The following SAMD4A variants were observed in gnomAD, a reference collection of about 807,000 sequenced individuals.
SAMD4A encodes the protein protein Smaug homolog 1.
In SAMD4A, 33 loss-of-function variants were observed where a neutral mutation model predicts 81.3. The observed-to-expected ratio is 0.41, with a 90% CI of 0.31 to 0.54. The LOEUF (loss-of-function observed/expected upper bound fraction) is 0.54, where lower values mean the gene tolerates loss of function less well. SAMD4A is among the 20% of genes least tolerant of loss of function. SAMD4A has a pLI of 0.37. For synonymous variants in SAMD4A, 389 were observed against 382.1 expected (o/e 1.02, Z -0.21); for missense variants, 854 against 951.1 (o/e 0.90, Z 1.34).
intron 4 of SAMD4A, among the ~76,000 whole-genome samples, chr14:54,746,843 C>G (rs1411536080): frequency 6.6e-6 from 1 of 152,206 alleles, no homozygotes; most frequent in East Asian, 1.9e-4. Context: ...TTGGGACTTT[C>G]AAGATGTAAA....
intron 2 of SAMD4A, among the ~76,000 whole-genome samples, chr14:54,661,982 G>A (rs1469622891): frequency 3.9e-5 from 6 of 152,242 alleles, no homozygotes; most frequent in Admixed American, 2.0e-4. Context: ...ATTGGCAGCC[G>A]CCATTCACAC....
rs143351796 is a variant in SAMD4A, at chr14:54,658,091, C to G, written c.197-43971C>G. Among the ~76,000 whole-genome samples the G allele has an allele frequency of 5.0e-3, 754 of 152,292 alleles. 4 individuals are homozygous for G. Among genetic ancestry groups the G allele is most frequent in the Non-Finnish European group, 8.8e-3 (598 of 68,026 alleles). On this transcript the variant is annotated intron_variant, in intron 2 of 12. Transcript: ENST00000554335. ...TGGGAAAGTCGAGGCAGGCAGATCA[C>G]TTGAGGTCAGGACTTTGAGACCAGC... is the stretch of plus-strand genomic sequence containing the variant.
At chr14:54,678,354 G>A (rs1013693239) in intron 2 of SAMD4A, among the ~76,000 whole-genome samples, 4 of 151,870 alleles carry the variant, frequency 2.6e-5, no homozygotes, top group African/African-American at 9.7e-5. Context: ...AGGGGAGAAG[G>A]GAGGAGAATT....
intron 3 of SAMD4A, among the ~76,000 whole-genome samples, chr14:54,723,582 G>A (rs2037317737): frequency 6.6e-6 from 1 of 152,160 alleles, no homozygotes; most frequent in Admixed American, 6.6e-5. Context: ...AAATTGAAAT[G>A]ACCTAAAATT....
intron 2 of SAMD4A, among the ~76,000 whole-genome samples, chr14:54,649,357 G>T (rs1052731094): frequency 6.6e-6 from 1 of 152,216 alleles, no homozygotes; most frequent in African/African-American, 2.4e-5. Flanking sequence ...AGATCCTGTT[G>T]TGGAATGGAG....
rs373953048 is a variant in SAMD4A, at chr14:54,567,964, C to T, written c.48C>T (p.Gly16=). The part of the protein sequence containing the change: ...QVGVLAGWFK[G]WNECEQTVAL... ...GGGTGCTGGCGGGCTGGTTTAAGGG[C>T]TGGAACGAGTGCGAGCAGACTGTTG... Residue 16 remains glycine, a synonymous_variant, in exon 2 of 13, where the codon GGC becomes GGT. Coordinates refer to ENST00000554335, the MANE Select transcript of SAMD4A (RefSeq NM_015589.6). 2.5e-6 allele frequency: 4 copies of T among 1,610,492 alleles called. No homozygotes were observed. Among genetic ancestry groups the T allele is most frequent in the Non-Finnish European group, 1.7e-6 (2 of 1,179,506 alleles).
At chr14:54,688,738 T>G (rs1396498646) in intron 2 of SAMD4A, among the ~76,000 whole-genome samples, 1 of 152,166 alleles carries the variant, frequency 6.6e-6, no homozygotes, top group African/African-American at 2.4e-5. Context: ...CCTCCTAGCC[T>G]TTCTCCTGGT....
At chr14:54,646,466 AT>A (rs1267532745) in intron 2 of SAMD4A, among the ~76,000 whole-genome samples, 2 of 152,234 alleles carry the variant, frequency 1.3e-5, no homozygotes, top group East Asian at 1.9e-4. Flanking sequence ...AGACCCAAGC[AT>A]TTGCAAGTTC....
At chr14:54,633,085 G>A (rs949931588) in intron 2 of SAMD4A, among the ~76,000 whole-genome samples, 2 of 152,198 alleles carry the variant, frequency 1.3e-5, no homozygotes, top group African/African-American at 4.8e-5. Flanking sequence ...AGGTTCTGAT[G>A]GAAACTGCCA....
intron 12 of SAMD4A, 112 bp from the exon 13 acceptor site, chr14:54,788,804 C>T: frequency 7.6e-7 from 1 of 1,308,360 alleles, no homozygotes; most frequent in Non-Finnish European, 1.1e-6. Flanking sequence ...CGTAGGTGCC[C>T]TTCTCTGCCC....
chr14:54,767,810 C>A (rs2139898080), intron 8 of SAMD4A, among the ~76,000 whole-genome samples: 2 of 152,324 alleles, frequency 1.3e-5, no homozygotes, highest in East Asian at 3.9e-4. Context: ...AGGCCAGGAA[C>A]CAGTGTTCAG....
chr14:54,702,109 C>T lies in SAMD4A; in HGVS notation c.244C>T (p.Leu82Phe), dbSNP rs899609422. 2.5e-6 allele frequency: 4 copies of T among 1,614,016 alleles called. No homozygotes were observed. The highest frequency in any genetic ancestry group is 3.4e-6 in the Non-Finnish European group (4 of 1,180,000). The change falls in exon 3 of 13, where the codon CTC becomes TTC. Residue 82 changes from leucine to phenylalanine, a missense_variant. Physicochemically the swap from Leu to Phe is conservative, Grantham distance 22. Around this residue, in one of 3 missense-constraint regions of SAMD4A, gnomAD observed 387 missense variants for 405.8 expected, o/e 0.95. Transcript: ENST00000554335. Reference sequence around the variant, plus strand: ...GGAATCCAAGGATAAAGTGATTTCCCTCCTGTTAACTCATCTGCCTTTGCT... The same window carrying T: ...GGAATCCAAGGATAAAGTGATTTCCTTCCTGTTAACTCATCTGCCTTTGCT... ...QQESKDKVIS[L>F]LLTHLPLLKP...
chr14:54,745,600 G>T (rs1349376201), intron 4 of SAMD4A, among the ~76,000 whole-genome samples: 1 of 152,194 alleles, frequency 6.6e-6, no homozygotes, highest in African/African-American at 2.4e-5. Context: ...TAATGGAAGG[G>T]TCATGTCTTC....
At chr14:54,648,222 C>T (rs2035326203) in intron 2 of SAMD4A, among the ~76,000 whole-genome samples, 1 of 152,134 alleles carries the variant, frequency 6.6e-6, no homozygotes, top group African/African-American at 2.4e-5. Flanking sequence ...AAACTAAGGG[C>T]AGCTGGAAGA....
chr14:54,781,109 A>G (rs2038989176), intron 11 of SAMD4A, among the ~76,000 whole-genome samples: 1 of 151,934 alleles, frequency 6.6e-6, no homozygotes, highest in African/African-American at 2.4e-5. Context: ...CAGACTCCAC[A>G]CCTTTCTAGT....
chr14:54,638,140 T>C (rs2035080559), intron 2 of SAMD4A, among the ~76,000 whole-genome samples: 1 of 152,156 alleles, frequency 6.6e-6, no homozygotes, highest in African/African-American at 2.4e-5. Flanking sequence ...GAGTCCTTAC[T>C]CTCCAGGGGC....
intron 4 of SAMD4A, among the ~76,000 whole-genome samples, chr14:54,744,367 C>T (rs542434207): frequency 6.6e-6 from 1 of 152,178 alleles, no homozygotes. Flanking sequence ...CTAACTGGAG[C>T]CCTGCTTCTG....
chr14:54,644,236 A>G (rs368924540), intron 2 of SAMD4A, among the ~76,000 whole-genome samples: 1 of 152,224 alleles, frequency 6.6e-6, no homozygotes, highest in Non-Finnish European at 1.5e-5. Context: ...ATCTTGTCTA[A>G]GGTTACTAAC....
chr14:54,732,855 T>A (rs939963026), intron 3 of SAMD4A, among the ~76,000 whole-genome samples: 2 of 152,212 alleles, frequency 1.3e-5, no homozygotes, highest in African/African-American at 4.8e-5. Flanking sequence ...GTAGTTATAG[T>A]TAATTTTCCT....
Sources: gnomAD v4.1 joint callset for allele counts (sites outside exome capture counted in the v4.1 genomes callset) on GRCh38, gnomAD v4.1.1 for gene constraint, gnomAD v4.1.1 regional missense constraint, MANE v1.5 for transcripts, NCBI Gene and HGNC (gene_info 2026-07-23, HGNC 2026-07-21) for gene names.